Variants in ATP2B2 observed in about 807,000 individuals in gnomAD.
ATP2B2 encodes ATPase plasma membrane Ca2+ transporting 2, also known as plasma membrane calcium-transporting ATPase 2.
ATP2B2 carries 15 observed loss-of-function variants against 120.0 expected under a neutral mutation model. The ratio of observed to expected loss-of-function variants is 0.12; its 90% CI spans 0.08 to 0.19. The LOEUF (loss-of-function observed/expected upper bound fraction) is 0.19. ATP2B2 is among the 10% of genes least tolerant of loss of function. The pLI is 1.00. For synonymous variants in ATP2B2, 694 were observed against 700.3 expected (o/e 0.99, Z 0.14); for missense variants, 1,045 against 1,719.8 (o/e 0.61, Z 6.94).
At chr3:10,516,678 C>A (rs117056538) in intron 3 of ATP2B2, among the ~76,000 whole-genome samples, 4 of 152,202 alleles carry the variant, frequency 2.6e-5, no homozygotes, top group African/African-American at 4.8e-5. Flanking sequence ...CTTCTCCTGG[C>A]GTGGCACTGG....
rs554430681 is a variant in ATP2B2, at chr3:10,429,950, G to A, written c.200-19135C>T. 1.4e-4 allele frequency among the ~76,000 whole-genome samples: 22 copies of A among 152,324 alleles called. No homozygotes were observed. In the South Asian group the frequency reaches 4.6e-3, roughly 32 times the overall value. ...TTCCCTTAAGCCAAAGCCTAATCCA[G>A]AAGCCCTAACTCTCTTCAATTCCAT... On this transcript the variant is annotated intron_variant, in intron 2 of 22. Coordinates refer to ENST00000360273, the MANE Select transcript of ATP2B2 (RefSeq NM_001001331.4).
intron 1 of ATP2B2, among the ~76,000 whole-genome samples, chr3:10,692,712 C>T (rs1464930314): frequency 6.6e-6 from 1 of 152,230 alleles, no homozygotes; most frequent in Non-Finnish European, 1.5e-5. Context: ...CTTCCCTGTC[C>T]TCCCAACTAG....
Position 10,641,566 on chromosome 3 carries a change from A to G in ATP2B2, c.-459-21605T>C, listed in dbSNP as rs186653008. Reference sequence around the variant, plus strand: ...TGTTTTCATCTGCTTTTGGTCAAAGAGAAAACATCCAGGGGCCAGATCTCG... The same window carrying G: ...TGTTTTCATCTGCTTTTGGTCAAAGGGAAAACATCCAGGGGCCAGATCTCG... On this transcript the variant is annotated intron_variant, in intron 1 of 21. Transcript: ENST00000646379. Among the ~76,000 whole-genome samples the G allele has an allele frequency of 1.8e-3, 271 of 152,346 alleles. 1 individual carries two copies. Among genetic ancestry groups the G allele is most frequent in the African/African-American group, 6.2e-3 (259 of 41,584 alleles).
chr3:10,471,850 G>A (rs573371596), intron 1 of ATP2B2, among the ~76,000 whole-genome samples: 4 of 151,962 alleles, frequency 2.6e-5, no homozygotes, highest in Non-Finnish European at 5.9e-5. Context: ...GGAGGCCGAG[G>A]CGGGCGGATA....
intron 2 of ATP2B2, among the ~76,000 whole-genome samples, chr3:10,586,990 A>T (rs1053873291): frequency 6.6e-6 from 1 of 152,154 alleles, no homozygotes; most frequent in Non-Finnish European, 1.5e-5. Context: ...TACCTCACAC[A>T]CTTAGCACCA....
chr3:10,655,251 C>T (rs556881563), intron 1 of ATP2B2, among the ~76,000 whole-genome samples: 16 of 141,608 alleles, frequency 1.1e-4, no homozygotes, highest in African/African-American at 3.8e-4. Context: ...TCTCAACCCC[C>T]TCCACTCTCC....
chr3:10,335,995 G>A lies in ATP2B2; in HGVS notation c.3420+2181C>T, dbSNP rs541874227. The A allele has an allele frequency of 9.8e-6, 11 of 1,120,022 alleles. No homozygotes were observed. In the South Asian group the frequency reaches 1.6e-4, roughly 16 times the overall value. 69.4% of individuals were successfully genotyped at this position (1,120,022 alleles called of 1,614,324 possible). A position where few individuals can be genotyped will look rare whatever the true frequency, so the allele number is the denominator to read the frequency against. On this transcript the variant is annotated intron_variant, in intron 22 of 22. Transcript: ENST00000360273. ...CTCCTGACCAACGGGACCCTCTTCG[G>A]TGGCTGGGACCCTTCATCCCCCTGG...
intron 1 of ATP2B2, among the ~76,000 whole-genome samples, chr3:10,457,661 C>T (rs566137950): frequency 7.2e-5 from 11 of 151,920 alleles, no homozygotes; most frequent in Non-Finnish European, 1.0e-4. Context: ...TGTATGTGCT[C>T]AAAGCTGAAG....
At chr3:10,366,420 G>A (rs2061060497) in intron 12 of ATP2B2, among the ~76,000 whole-genome samples, 1 of 152,186 alleles carries the variant, frequency 6.6e-6, no homozygotes, top group South Asian at 2.1e-4. Flanking sequence ...TATCTATTCA[G>A]GAAAACCATC....
intron 21 of ATP2B2, 49 bp from the exon 22 acceptor site, chr3:10,338,407 G>A (rs1436596329): frequency 6.2e-7 from 1 of 1,607,994 alleles, no homozygotes; most frequent in Non-Finnish European, 8.5e-7. Context: ...CTTCCCAGTG[G>A]CCTTCTCTCC....
intron 1 of ATP2B2, among the ~76,000 whole-genome samples, chr3:10,503,647 G>A (rs949437492): frequency 9.2e-5 from 14 of 152,246 alleles, no homozygotes; most frequent in East Asian, 1.9e-4. Context: ...GCCTGTGGCC[G>A]TCTTCTTATG....
rs1252942729 is a variant in ATP2B2 at position 10,386,333 on chromosome 3, G to A, written c.940+147C>T. ...TCCCACAGGGCTGGCATCACAGGAG[G>A]GCACAAAGGAGGGTCTGGGGGGTGG... On this transcript the variant is annotated intron_variant, in intron 7 of 22. Transcript: ENST00000360273. The A allele has an allele frequency of 8.8e-5, 73 of 829,138 alleles. 1 individual carries two copies. The South Asian group carries it at 1.1e-3, about 12-fold the overall frequency. The allele number at this position is 829,138 out of a possible 1,614,324, so 51.4% of individuals were successfully genotyped here.
chr3:10,606,943 AGG>A (rs2069097205), intron 2 of ATP2B2, among the ~76,000 whole-genome samples: 10 of 72,042 alleles, frequency 1.4e-4, no homozygotes, highest in African/African-American at 6.4e-4. Flanking sequence ...AGAGAGGGAG[AGG>A]GAGAGGGGGA....
At chr3:10,345,621 T>C (rs1559538784) in intron 17 of ATP2B2, 46 bp from the exon 18 acceptor site, 1 of 1,579,958 alleles carries the variant, frequency 6.3e-7, no homozygotes, top group African/African-American at 1.4e-5. Flanking sequence ...CCGGGGGAGG[T>C]GACCACTTCT....
At chr3:10,564,295 C>A (rs2067964353) in intron 2 of ATP2B2, among the ~76,000 whole-genome samples, 1 of 152,226 alleles carries the variant, frequency 6.6e-6, no homozygotes, top group East Asian at 1.9e-4. Flanking sequence ...CCCGGTGCAA[C>A]CAATTCCCTG....
chr3:10,593,696 A>G (rs933786174), intron 2 of ATP2B2, among the ~76,000 whole-genome samples: 1 of 152,224 alleles, frequency 6.6e-6, no homozygotes, highest in East Asian at 1.9e-4. Flanking sequence ...ATGGCAACAA[A>G]AGCCAAAATT....
In ATP2B2 at chr3:10,372,173, C is replaced by A. The variant is rs936893475; in HGVS notation, c.1417-122G>T. 15 of 1,371,086 alleles carry A rather than the reference C, an allele frequency of 1.1e-5. No individual in the cohort carries two copies. In the African/African-American group the frequency reaches 1.6e-4, roughly 14 times the overall value. The allele number at this position is 1,371,086 out of a possible 1,614,324, so 84.9% of individuals were successfully genotyped here. ...AGAGCCACCACAGCCTGCCCCTTTG[C>A]TTCCGGCACTTGTAAAGGATCTTGG... On this transcript the variant is annotated intron_variant, in intron 11 of 22. Transcript: ENST00000360273.
intron 1 of ATP2B2, among the ~76,000 whole-genome samples, chr3:10,486,324 C>CATGTGTGCGT (rs1553616065): frequency 2.6e-5 from 3 of 117,088 alleles, no homozygotes; most frequent in Non-Finnish European, 6.3e-5. Flanking sequence ...TGTGTGCGTG[C>CATGTGTGCGT]GTGTGTGTGT....
intron 2 of ATP2B2, among the ~76,000 whole-genome samples, chr3:10,535,688 T>A (rs1428323113): frequency 6.6e-6 from 1 of 152,226 alleles, no homozygotes; most frequent in East Asian, 1.9e-4. Flanking sequence ...TAGGTGGTTG[T>A]GTGTAACAAG....
Sources: allele counts gnomAD v4.1 joint callset (sites outside exome capture counted in the v4.1 genomes callset), GRCh38; gene constraint gnomAD v4.1.1; transcripts MANE v1.5; gene names NCBI Gene and HGNC (gene_info 2026-07-23, HGNC 2026-07-21).